The following ZNF599 variants were observed in gnomAD, a reference collection of about 807,000 sequenced individuals.
ZNF599 encodes the protein zinc finger protein 599.
Under a neutral mutation model 11.7 loss-of-function variants are expected in ZNF599, and 10 were observed. The ratio of observed to expected loss-of-function variants is 0.86; its 90% confidence interval spans 0.53 to 1.45. ZNF599 has a LOEUF of 1.45. ZNF599 is among the 40% of genes most tolerant of loss of function. The probability of loss-of-function intolerance (pLI) is 0.00; values close to 1 mark genes in which losing one functional copy is unlikely to be tolerated. For synonymous variants in ZNF599, 232 were observed against 253.2 expected (o/e 0.92, Z 0.79); for missense variants, 688 against 713.6 (o/e 0.96, Z 0.41).
chr19:34,797,636 C>G, the ZNF599 span, among the ~76,000 whole-genome samples: 1 of 152,174 alleles, frequency 6.6e-6, no homozygotes, highest in Non-Finnish European at 1.5e-5. Flanking sequence ...CTGGGAACAT[C>G]TGTATGCAGA....
the ZNF599 span, among the ~76,000 whole-genome samples, chr19:34,803,627 T>C: frequency 6.6e-6 from 1 of 152,164 alleles, no homozygotes; most frequent in African/African-American, 2.4e-5. Context: ...CATTTGTGCC[T>C]ACTCCCTCCT....
chr19:34,760,174 G>C lies in ZNF599; in HGVS notation c.627C>G (p.Ser209Arg). The C allele has an allele frequency of 6.2e-7, 1 of 1,614,166 alleles. No individual in the cohort carries two copies. Among genetic ancestry groups the C allele is most frequent in the Non-Finnish European group, 8.5e-7 (1 of 1,180,012 alleles). The change falls in exon 4 of 4, where the codon AGC becomes AGG. Residue 209 changes from serine to arginine, a missense_variant. Physicochemically the swap from Ser to Arg is moderately radical, Grantham distance 110. Transcript: ENST00000329285. The part of the protein sequence containing the change: ...YTCTECGKGF[S>R]KKWALVRHQQ... ...GATGCCGAACAAGGGCCCACTTCTTGCTAAACCCTTTCCCACATTCCGTGC... is the reference window on the plus strand; with the variant it reads ...GATGCCGAACAAGGGCCCACTTCTTCCTAAACCCTTTCCCACATTCCGTGC...
intron 3 of ZNF599, 159 bp downstream of exon 3, chr19:34,767,157 G>A (rs1235335614): frequency 6.7e-6 from 4 of 601,160 alleles, no homozygotes; most frequent in Non-Finnish European, 1.2e-5. Context: ...TAAAGGCAAA[G>A]AGTGTGTGAC....
At chr19:34,789,148 T>G in the ZNF599 span, among the ~76,000 whole-genome samples, 1 of 152,190 alleles carries the variant, frequency 6.6e-6, no homozygotes, top group Non-Finnish European at 1.5e-5. Context: ...TTAGATTCCT[T>G]ATATGAGATC....
At chr19:34,784,152 C>A in the ZNF599 span, among the ~76,000 whole-genome samples, 1 of 152,170 alleles carries the variant, frequency 6.6e-6, no homozygotes, top group African/African-American at 2.4e-5. Flanking sequence ...AGGGGAGAAT[C>A]CTGCCTTGCT....
At chr19:34,806,458 C>T in the ZNF599 span, among the ~76,000 whole-genome samples, 1,251 of 152,262 alleles carry the variant, frequency 8.2e-3, 15 homozygotes, top group African/African-American at 0.029. Flanking sequence ...CTCCAAGCAC[C>T]ATCAGAAAGT....
intron 1 of ZNF599, chr19:34,772,432 T>A: frequency 9.5e-7 from 1 of 1,050,452 alleles, no homozygotes; most frequent in South Asian, 4.1e-5. Context: ...ACCTAGAGAG[T>A]CCTTCTTCAA....
chr19:34,785,093 C>A, the ZNF599 span, among the ~76,000 whole-genome samples: 2 of 151,594 alleles, frequency 1.3e-5, no homozygotes, highest in Non-Finnish European at 2.9e-5. Flanking sequence ...TCTGATACTT[C>A]TGATACTGCC....
chr19:34,766,527 C>A (rs1490068861), intron 3 of ZNF599, among the ~76,000 whole-genome samples: 1 of 152,206 alleles, frequency 6.6e-6, no homozygotes, highest in Non-Finnish European at 1.5e-5. Context: ...ATGACTAACA[C>A]TACATTAATA....
rs1600158032 is a variant in ZNF599, at chr19:34,767,417, C to CA, written c.146-7dup. The stretch of plus-strand genomic sequence containing the variant: ...TGGTTTGGGAACAGGATGCCCTGTG[C>CA]ATGGAGAAACAAATGGAGTATGGTG... On this transcript the variant is annotated splice_polypyrimidine_tract_variant and splice_region_variant and intron_variant, in intron 2 of 3. Coordinates refer to ENST00000329285, the MANE Select transcript of ZNF599 (RefSeq NM_001007248.3). The CA allele has an allele frequency of 1.2e-6, 2 of 1,609,970 alleles. No homozygotes were observed. The highest frequency in any genetic ancestry group is 1.1e-5 in the South Asian group (1 of 90,974).
rs932256098 is a variant in ZNF599, at chr19:34,767,504, C to T, written c.146-93G>A. On this transcript the variant is annotated intron_variant, in intron 2 of 3. Coordinates refer to ENST00000329285, the MANE Select transcript of ZNF599 (RefSeq NM_001007248.3). ...AGGAGTACATATATTTAACATACTGCAATGAAACCCCAGAAAGGGCCCTCC... is the reference window on the plus strand; with the variant it reads ...AGGAGTACATATATTTAACATACTGTAATGAAACCCCAGAAAGGGCCCTCC... 1.0e-5 allele frequency: 9 copies of T among 894,706 alleles called. No homozygotes were observed. The Admixed American group carries it at 2.1e-4, about 21-fold the overall frequency. 55.4% of individuals were successfully genotyped at this position (894,706 alleles called of 1,614,324 possible).
At position 34,769,548 on chromosome 19, in the gene ZNF599, A is replaced by G. The variant is rs181931849; in HGVS notation, c.26T>C (p.Val9Ala). MAAPALAL[V>A]SFEDVVVTFT... ...GGTCACAACCACGTCTTCAAATGAT[A>G]CTAATGCCTGGGAAGTCAAACAGAG... Residue 9 changes from valine (V) to alanine (A), a missense_variant, in exon 2 of 4, where the codon GTA (valine) becomes GCA (alanine). Physicochemically the swap from Val to Ala is moderately conservative, Grantham distance 64. Transcript: ENST00000329285. The G allele has an allele frequency of 6.8e-6, 11 of 1,613,232 alleles. No homozygotes were observed. The highest frequency in any genetic ancestry group is 1.7e-5 in the Admixed American group (1 of 59,968).
At chr19:34,806,807 A>G in the ZNF599 span, among the ~76,000 whole-genome samples, 183 of 152,266 alleles carry the variant, frequency 1.2e-3, 1 homozygote, top group African/African-American at 4.3e-3. Flanking sequence ...ATCACTGTCC[A>G]GCCCAAAACC....
chr19:34,767,523 G>T, intron 2 of ZNF599, 112 bp from the exon 3 acceptor site: 2 of 705,636 alleles, frequency 2.8e-6, no homozygotes, highest in Non-Finnish European at 4.6e-6. Context: ...CCCAGAAAGG[G>T]CCCTCCCCTG....
chr19:34,798,769 C>G, the ZNF599 span, among the ~76,000 whole-genome samples: 1,083 of 152,270 alleles, frequency 7.1e-3, 12 homozygotes, highest in African/African-American at 0.025. Flanking sequence ...TTTCTGGGAT[C>G]CTTCAACCTC....
rs149317085 is a variant in ZNF599 at position 34,759,720 on chromosome 19, G to A, written c.1081C>T (p.His361Tyr). The change falls in exon 4 of 4, where the codon CAC (histidine) becomes TAC (tyrosine). Residue 361 changes from histidine (H) to tyrosine (Y), a missense_variant. Physicochemically the swap from His to Tyr is moderately conservative, Grantham distance 83 (BLOSUM62 2). Transcript: ENST00000329285. ...RSTFIQHNVT[H>Y]TGEKPFLCKE... ...CATAAAAATGGTTTTTCTCCTGTGTGGGTCACATTGTGCTGGATAAATGTG... is the reference window on the plus strand; with the variant it reads ...CATAAAAATGGTTTTTCTCCTGTGTAGGTCACATTGTGCTGGATAAATGTG... The A allele has an allele frequency of 2.5e-6, 4 of 1,614,026 alleles. No individual in the cohort carries two copies. In the African/African-American group the frequency reaches 5.3e-5, roughly 22 times the overall value.
upstream of ZNF599, among the ~76,000 whole-genome samples, chr19:34,775,690 C>T (rs945557552): frequency 4.6e-5 from 7 of 152,194 alleles, no homozygotes; most frequent in Admixed American, 2.6e-4. Flanking sequence ...CAAAACAACA[C>T]TGCTGTAACT....
chr19:34,779,581 T>C, the ZNF599 span: 1 of 418,934 alleles, frequency 2.4e-6, no homozygotes, highest in Admixed American at 2.7e-5. Context: ...ATTTAACCAC[T>C]GCTCCAGATG....
the ZNF599 span, among the ~76,000 whole-genome samples, chr19:34,794,117 A>G: frequency 6.6e-6 from 1 of 152,280 alleles, no homozygotes; most frequent in African/African-American, 2.4e-5. Context: ...TCCCATTTTT[A>G]AAACCATCAG....
Sources: allele counts gnomAD v4.1 joint callset (sites outside exome capture counted in the v4.1 genomes callset), GRCh38; gene constraint gnomAD v4.1.1; transcripts MANE v1.5; gene names NCBI Gene and HGNC (gene_info 2026-07-23, HGNC 2026-07-21).